The following ZHX2 variants were observed in gnomAD, a reference collection of about 807,000 sequenced individuals.
The protein encoded by ZHX2 is zinc fingers and homeoboxes 2, also known as zinc fingers and homeoboxes protein 2.
Under a neutral mutation model 21.9 loss-of-function variants are expected in ZHX2, and 6 were observed. The ratio of observed to expected loss-of-function variants is 0.27; its 90% CI spans 0.15 to 0.54. The LOEUF is 0.54. Among genes scored for constraint, ZHX2 ranks in the 20% least tolerant of loss-of-function variants. The pLI is 0.95. For synonymous variants in ZHX2, 434 were observed against 437.1 expected (o/e 0.99, Z 0.09); for missense variants, 908 against 1,090.7 (o/e 0.83, Z 2.36).
At chr8:122,924,934 G>A (rs1210737391) in intron 2 of ZHX2, among the ~76,000 whole-genome samples, 2 of 152,244 alleles carry the variant, frequency 1.3e-5, no homozygotes, top group East Asian at 3.9e-4. Flanking sequence ...GAATTCACAG[G>A]TCTCTCCTCC....
chr8:122,793,746 A>G (rs1262790288), intron 1 of ZHX2, among the ~76,000 whole-genome samples: 2 of 152,234 alleles, frequency 1.3e-5, no homozygotes, highest in African/African-American at 4.8e-5. Flanking sequence ...AAGCCTACGT[A>G]GATTCCGCAC....
intron 2 of ZHX2, among the ~76,000 whole-genome samples, chr8:122,889,690 A>C (rs56813896): frequency 0.019 from 2,827 of 152,308 alleles, 82 homozygotes; most frequent in African/African-American, 0.064. Context: ...GTGTGGGTCT[A>C]CCTATTCACG....
intron 2 of ZHX2, among the ~76,000 whole-genome samples, chr8:122,941,645 T>G (rs1321884722): frequency 6.6e-6 from 1 of 150,458 alleles, no homozygotes; most frequent in Non-Finnish European, 1.5e-5. Flanking sequence ...CTTTGGCTGT[T>G]TGTAGTTTTA....
chr8:122,969,494 C>T (rs1011987339), intron 3 of ZHX2, among the ~76,000 whole-genome samples: 6 of 152,152 alleles, frequency 3.9e-5, no homozygotes, highest in African/African-American at 1.4e-4. Flanking sequence ...TATGCCCAAA[C>T]TCACTAAATT....
chr8:122,877,598 C>G (rs1819600689), intron 2 of ZHX2, among the ~76,000 whole-genome samples: 1 of 152,176 alleles, frequency 6.6e-6, no homozygotes, highest in Non-Finnish European at 1.5e-5. Context: ...GGATTTGCTG[C>G]CTCATCAAAA....
intron 1 of ZHX2, among the ~76,000 whole-genome samples, chr8:122,784,259 A>G (rs1462922619): frequency 6.6e-6 from 1 of 152,226 alleles, no homozygotes; most frequent in Non-Finnish European, 1.5e-5. Flanking sequence ...AACAGTTTCT[A>G]ACACTGTTAT....
At chr8:122,892,337 A>G (rs1820002220) in intron 2 of ZHX2, among the ~76,000 whole-genome samples, 1 of 152,184 alleles carries the variant, frequency 6.6e-6, no homozygotes, top group African/African-American at 2.4e-5. Flanking sequence ...TGAGTTTCTT[A>G]TAGGCAGCAT....
At chr8:122,794,671 C>T (rs764456846) in intron 1 of ZHX2, among the ~76,000 whole-genome samples, 1 of 152,254 alleles carries the variant, frequency 6.6e-6, no homozygotes, top group East Asian at 1.9e-4. Flanking sequence ...GACATGGTGG[C>T]TCTTTGAGAG....
At position 122,953,141 on chromosome 8, in the gene ZHX2, T is replaced by C; in HGVS notation, c.1631T>C (p.Leu544Ser). ...AAAACACAGGGTCAGGTTAAAATCTTGGAAGACAGCTTTTTGAAAAGTTCT... is the reference window on the plus strand; with the variant it reads ...AAAACACAGGGTCAGGTTAAAATCTCGGAAGACAGCTTTTTGAAAAGTTCT... ...KEKTQGQVKI[L>S]EDSFLKSSFP... The change falls in exon 3 of 4, where the codon TTG becomes TCG. Residue 544 changes from leucine to serine, a missense_variant. Leu to Ser is a moderately radical substitution (Grantham distance 145, BLOSUM62 -2). Coordinates refer to ENST00000314393, the MANE Select transcript of ZHX2 (RefSeq NM_014943.5). This position sits in a 1 kb window ranked among gnomAD's most constrained non-coding sequence, Gnocchi z 4.6. The C allele has an allele frequency of 6.2e-7, 1 of 1,613,840 alleles. No individual in the cohort carries two copies. Among genetic ancestry groups the C allele is most frequent in the Non-Finnish European group, 8.5e-7 (1 of 1,180,008 alleles).
intron 1 of ZHX2, among the ~76,000 whole-genome samples, chr8:122,789,877 G>A (rs1198153501): frequency 6.6e-6 from 1 of 152,168 alleles, no homozygotes; most frequent in Non-Finnish European, 1.5e-5. Flanking sequence ...CTGAGTATGT[G>A]GTGAATTTCT....
At chr8:122,930,629 G>A (rs1586397497) in intron 2 of ZHX2, among the ~76,000 whole-genome samples, 1 of 149,378 alleles carries the variant, frequency 6.7e-6, no homozygotes, top group South Asian at 2.1e-4. Flanking sequence ...CAGCCACCAC[G>A]CCTGGCTAAT....
chr8:122,868,156 A>G, intron 2 of ZHX2, among the ~76,000 whole-genome samples: 1 of 152,168 alleles, frequency 6.6e-6, no homozygotes, highest in East Asian at 1.9e-4. Context: ...CCTTCAACAC[A>G]GCAAGTGTCC....
At chr8:122,958,569 A>G (rs1813364530) in intron 3 of ZHX2, among the ~76,000 whole-genome samples, 1 of 152,220 alleles carries the variant, frequency 6.6e-6, no homozygotes, top group Non-Finnish European at 1.5e-5. Context: ...AGGTAGGTAC[A>G]GCCTTGTCCC....
At chr8:122,942,537 C>A (rs1160405362) in intron 2 of ZHX2, among the ~76,000 whole-genome samples, 3 of 152,204 alleles carry the variant, frequency 2.0e-5, no homozygotes, top group African/African-American at 7.2e-5. Flanking sequence ...CAGAGCACTG[C>A]TGCCCTCTGG....
chr8:122,784,347 A>G (rs1272372583), intron 1 of ZHX2, among the ~76,000 whole-genome samples: 1 of 152,228 alleles, frequency 6.6e-6, no homozygotes, highest in African/African-American at 2.4e-5. Context: ...GCTAAGTACT[A>G]CTATTATCCT....
In ZHX2 at chr8:122,782,976, T is replaced by A. The variant is rs1817323327; in HGVS notation, c.-283+1030T>A. On this transcript the variant is annotated intron_variant, in intron 1 of 3. Coordinates refer to ENST00000314393, the MANE Select transcript of ZHX2 (RefSeq NM_014943.5). This position sits in a 1 kb window ranked among gnomAD's most constrained non-coding sequence, Gnocchi z 5.3. ...TTGCAGGAGGCTGCGGAGACGAAGATGAGCGGAAAGTTGGAAACCAGCAGG... is the reference window on the plus strand; with the variant it reads ...TTGCAGGAGGCTGCGGAGACGAAGAAGAGCGGAAAGTTGGAAACCAGCAGG... Among the ~76,000 whole-genome samples the A allele has an allele frequency of 6.6e-6, 1 of 152,164 alleles. No homozygotes were observed. The highest frequency in any genetic ancestry group is 2.4e-5 in the African/African-American group (1 of 41,458).
intron 3 of ZHX2, among the ~76,000 whole-genome samples, chr8:122,968,842 A>T (rs1345319805): frequency 7.0e-5 from 1 of 14,290 alleles, no homozygotes; most frequent in East Asian, 3.8e-3. Context: ...TCCATCTTGG[A>T]AAAAAAAAAA....
intron 2 of ZHX2, among the ~76,000 whole-genome samples, chr8:122,884,314 T>A (rs1819787093): frequency 6.6e-6 from 1 of 152,248 alleles, no homozygotes; most frequent in Non-Finnish European, 1.5e-5. Flanking sequence ...TGTGCTCACC[T>A]ACTGTTTCTC....
In ZHX2 at chr8:122,973,067, TACA is replaced by T. The variant is rs149804166; in HGVS notation, c.*5-171_*5-169del. ...TGCTCAGAAAACACACTCGTTTCTT[TACA>T]ACAGGCCCCGTACATGAAGGGCATG... On this transcript the variant is annotated intron_variant, in intron 3 of 3. Transcript: ENST00000314393. Among the ~76,000 whole-genome samples the T allele has an allele frequency of 2.5e-3, 382 of 152,320 alleles. 4 individuals carry two copies. The highest frequency in any genetic ancestry group is 8.9e-3 in the African/African-American group (368 of 41,564).
Sources: allele counts gnomAD v4.1 joint callset (sites outside exome capture counted in the v4.1 genomes callset), GRCh38; gene constraint gnomAD v4.1.1; non-coding constraint Gnocchi (gnomAD v3.1); transcripts MANE v1.5; gene names NCBI Gene and HGNC (gene_info 2026-07-23, HGNC 2026-07-21).